POLR3B: variants seen among roughly 807,000 people sequenced by gnomAD.
The protein encoded by POLR3B is DNA-directed RNA polymerase III subunit RPC2.
A neutral mutation model predicts 147.4 loss-of-function variants in POLR3B; 96 were observed. The ratio of observed to expected loss-of-function variants is 0.65; its 90% confidence interval spans 0.55 to 0.77. The LOEUF (loss-of-function observed/expected upper bound fraction) is 0.77, where lower values mean the gene tolerates loss of function less well. POLR3B is among the 30% of genes least tolerant of loss of function. The pLI is 0.00. For synonymous variants in POLR3B, 461 were observed against 485.9 expected, an observed-to-expected ratio of 0.95 and a Z score of 0.67; for missense variants, 1,036 against 1,413.5, an observed-to-expected ratio of 0.73 and a Z score of 4.28.
intron 1 of POLR3B, among the ~76,000 whole-genome samples, chr12:106,361,930 A>T (rs2036475338): frequency 6.6e-6 from 1 of 152,250 alleles, no homozygotes; most frequent in African/African-American, 2.4e-5. Context: ...CTTTTGAAGT[A>T]GCAGCCTTGG....
At chr12:106,422,444 A>C (rs1423282265) in intron 12 of POLR3B, among the ~76,000 whole-genome samples, 1 of 152,214 alleles carries the variant, frequency 6.6e-6, no homozygotes, top group Non-Finnish European at 1.5e-5. Flanking sequence ...TCTTTTCTTT[A>C]TAAAGTATAT....
intron 23 of POLR3B, among the ~76,000 whole-genome samples, chr12:106,476,689 A>T (rs1423991772): frequency 3.4e-5 from 5 of 149,132 alleles, no homozygotes; most frequent in East Asian, 3.9e-4. Flanking sequence ...TTCTTCACGT[A>T]GTTCTCGAGC....
intron 20 of POLR3B, 57 bp downstream of exon 20, chr12:106,454,768 G>T: frequency 1.1e-6 from 1 of 884,046 alleles, no homozygotes. Flanking sequence ...TAGATATAGG[G>T]ATGATTAATG....
chr12:106,369,927 C>G (rs1387329140), intron 6 of POLR3B, among the ~76,000 whole-genome samples: 1 of 151,936 alleles, frequency 6.6e-6, no homozygotes, highest in African/African-American at 2.4e-5. Context: ...CTCTGAGCTG[C>G]TAGGGAACCA....
At chr12:106,429,821 G>A (rs2037484897) in intron 13 of POLR3B, among the ~76,000 whole-genome samples, 2 of 152,070 alleles carry the variant, frequency 1.3e-5, no homozygotes, top group Admixed American at 1.3e-4. Context: ...CTGTTCTTAA[G>A]ACTAACTTTG....
At chr12:106,397,588 A>T (rs910395071) in intron 10 of POLR3B, among the ~76,000 whole-genome samples, 1 of 151,852 alleles carries the variant, frequency 6.6e-6, no homozygotes, top group African/African-American at 2.4e-5. Flanking sequence ...GGCCATATAT[A>T]CTCTTTTGTG....
intron 4 of POLR3B, 83 bp downstream of exon 4, chr12:106,366,805 T>C: frequency 8.7e-7 from 1 of 1,146,880 alleles, no homozygotes; most frequent in Non-Finnish European, 1.3e-6. Flanking sequence ...CAAAACTCTT[T>C]TAAAATCATT....
intron 16 of POLR3B, 21 bp from the exon 17 acceptor site, chr12:106,437,036 G>A: frequency 6.3e-7 from 1 of 1,590,270 alleles, no homozygotes; most frequent in Non-Finnish European, 8.6e-7. Context: ...TTATTAATTT[G>A]GTTTGCTGTT....
chr12:106,368,996 T>G (rs1351145372), intron 4 of POLR3B, among the ~76,000 whole-genome samples: 1 of 152,200 alleles, frequency 6.6e-6, no homozygotes, highest in Non-Finnish European at 1.5e-5. Context: ...TACACTTTGC[T>G]CTTTCATTAA....
At position 106,463,592 on chromosome 12, in the gene POLR3B, C is replaced by T. The variant is rs1444184686; in HGVS notation, c.2685C>T (p.Asp895=). The part of the protein sequence containing the change: ...LRQTRRPEIG[D]KFSSRHGQKG... ...AGACAAGGCGTCCAGAAATTGGAGACAAATTCAGCAGTCGTCATGGGCAAA... is the reference window on the plus strand; with the variant it reads ...AGACAAGGCGTCCAGAAATTGGAGATAAATTCAGCAGTCGTCATGGGCAAA... The change falls in exon 23 of 28, where the codon GAC becomes GAT. Residue 895 remains aspartate (D), a synonymous_variant. Coordinates refer to ENST00000228347, the MANE Select transcript of POLR3B (RefSeq NM_018082.6). 6.2e-7 allele frequency: 1 copy of T among 1,613,672 alleles called. No individual in the cohort carries two copies. Among genetic ancestry groups the T allele is most frequent in the African/African-American group, 1.3e-5 (1 of 75,022 alleles).
intron 14 of POLR3B, among the ~76,000 whole-genome samples, chr12:106,431,157 TA>T (rs763670434): frequency 6.6e-6 from 1 of 152,208 alleles, no homozygotes; most frequent in Admixed American, 6.6e-5. Flanking sequence ...GCTGAATTAA[TA>T]ATTACAACAA....
chr12:106,489,806 T>C (rs1297136952), intron 23 of POLR3B, among the ~76,000 whole-genome samples: 1 of 152,232 alleles, frequency 6.6e-6, no homozygotes, highest in East Asian at 1.9e-4. Context: ...TCTAAAATCC[T>C]CTCTGCAAGT....
intron 12 of POLR3B, among the ~76,000 whole-genome samples, chr12:106,414,908 C>G (rs543422252): frequency 6.6e-6 from 1 of 152,190 alleles, no homozygotes; most frequent in African/African-American, 2.4e-5. Flanking sequence ...CTTTAAAGCC[C>G]CCTTTGAATT....
chr12:106,384,830 CT>C (rs576719116), intron 9 of POLR3B, among the ~76,000 whole-genome samples: 12,254 of 140,502 alleles, frequency 0.087, 494 homozygotes, highest in Middle Eastern at 0.13. Flanking sequence ...TATTAAATGT[CT>C]TTTTTTTTTT....
chr12:106,451,634 G>T (rs1257267823), intron 19 of POLR3B, among the ~76,000 whole-genome samples: 4 of 58,268 alleles, frequency 6.9e-5, no homozygotes, highest in Admixed American at 1.5e-4. Context: ...AAAAAAAGGC[G>T]GGGGGGGAGG....
At chr12:106,362,231 C>T (rs1199777643) in intron 1 of POLR3B, among the ~76,000 whole-genome samples, 1 of 151,948 alleles carries the variant, frequency 6.6e-6, no homozygotes, top group Non-Finnish European at 1.5e-5. Context: ...AGGATTGTGT[C>T]TGTGGCGGAA....
Position 106,441,140 on chromosome 12 carries a change from T to C in POLR3B, c.1956-3323T>C, listed in dbSNP as rs552139981. Among the ~76,000 whole-genome samples the C allele has an allele frequency of 3.3e-5, 5 of 152,222 alleles. No individual in the cohort carries two copies. The East Asian group carries it at 9.6e-4, about 29-fold the overall frequency. ...CACACATGATTCCACACAATGTGTG[T>C]GTATAAAACAGTGATAACATTTCCA... On this transcript the variant is annotated intron_variant, in intron 18 of 27. Transcript: ENST00000228347.
At chr12:106,492,120 G>C (rs886468220) in intron 23 of POLR3B, among the ~76,000 whole-genome samples, 11 of 152,080 alleles carry the variant, frequency 7.2e-5, no homozygotes, top group African/African-American at 2.7e-4. Context: ...TATGCTACTA[G>C]AATGTGTTAA....
rs116145491 is a variant in POLR3B at position 106,502,481 on chromosome 12, T to A, written c.3098+1045T>A. 6.9e-3 allele frequency among the ~76,000 whole-genome samples: 1,044 copies of A among 152,276 alleles called. 18 individuals carry two copies. The highest frequency in any genetic ancestry group is 0.024 in the African/African-American group (1,004 of 41,554). ...TGCCAGTGAATGTCAAGAGTGTGAA[T>A]ACAGAATGTGTACAGCACCCATCCA... On this transcript the variant is annotated intron_variant, in intron 26 of 27. Coordinates refer to ENST00000228347, the MANE Select transcript of POLR3B (RefSeq NM_018082.6).
Sources: allele counts gnomAD v4.1 joint callset (sites outside exome capture counted in the v4.1 genomes callset), GRCh38; gene constraint gnomAD v4.1.1; transcripts MANE v1.5; gene names NCBI Gene and HGNC (gene_info 2026-07-23, HGNC 2026-07-21).